The following CDHR2 variants were observed in gnomAD, a reference collection of about 807,000 sequenced individuals.
CDHR2 encodes the protein cadherin related family member 2.
In CDHR2, 104 loss-of-function variants were observed where a neutral mutation model predicts 138.6. The observed-to-expected ratio is 0.75, with a 90% CI of 0.64 to 0.88. The LOEUF is 0.88. Among genes scored for constraint, CDHR2 ranks in the 40% least tolerant of loss-of-function variants. The pLI is 0.00. For synonymous variants in CDHR2, 755 were observed against 742.8 expected (o/e 1.02, Z -0.27); for missense variants, 1,624 against 1,727.6 (o/e 0.94, Z 1.06).
intron 1 of CDHR2, among the ~76,000 whole-genome samples, chr5:176,552,350 T>C (rs554016637): frequency 6.6e-6 from 1 of 152,124 alleles, no homozygotes; most frequent in Non-Finnish European, 1.5e-5. Context: ...GCAGAGGGAA[T>C]GGTTTAGGCA....
Position 176,578,580 on chromosome 5 carries a change from A to T in CDHR2, c.1790A>T (p.Glu597Val). 1 of 1,613,106 alleles carries T rather than the reference A, an allele frequency of 6.2e-7. No individual in the cohort carries two copies. Among genetic ancestry groups the T allele is most frequent in the Non-Finnish European group, 8.5e-7 (1 of 1,180,014 alleles). ...TCCTACAACATCTTCGTCCAGGAGG[A>T]GGAGGGCAATGTCTCCGTGACCATC... Reference protein sequence around the residue: ...SGSYNIFVQEEEGNVSVTIQA... With the variant: ...SGSYNIFVQEVEGNVSVTIQA... The change falls in exon 16 of 32, where the codon GAG (glutamate) becomes GTG (valine). Residue 597 changes from glutamate to valine, a missense_variant. By Grantham distance (121) the Glu-to-Val change is moderately radical (BLOSUM62 -2). This residue lies in a region of CDHR2 where 1,061 missense variants were observed against 1,136.6 expected (regional missense o/e 0.93). Transcript: ENST00000261944.
At chr5:176,586,046 C>T (rs772401346) in intron 20 of CDHR2, 21 bp downstream of exon 20, 2 of 1,600,158 alleles carry the variant, frequency 1.2e-6, no homozygotes, top group South Asian at 1.1e-5. Flanking sequence ...ACCCCATTCA[C>T]ACACCATACC....
In CDHR2 at chr5:176,565,719, A is replaced by G; in HGVS notation, c.100A>G (p.Ile34Val). 1.2e-6 allele frequency: 2 copies of G among 1,613,816 alleles called. No individual in the cohort carries two copies. Among genetic ancestry groups the G allele is most frequent in the Non-Finnish European group, 1.7e-6 (2 of 1,179,896 alleles). The change falls in exon 3 of 32, where the codon ATC becomes GTC. Residue 34 changes from isoleucine (I) to valine (V), a missense_variant. Ile to Val is a conservative substitution (Grantham distance 29). This residue lies in a region of CDHR2 where 1,061 missense variants were observed against 1,136.6 expected (regional missense o/e 0.93). Coordinates refer to ENST00000261944, the MANE Select transcript of CDHR2 (RefSeq NM_017675.6). Reference sequence around the variant, plus strand: ...GTTCCTAGCCAACATGACGTCAGTGATCCTGCCTGAGGACCTGCCTGTGGG... The same window carrying G: ...GTTCCTAGCCAACATGACGTCAGTGGTCCTGCCTGAGGACCTGCCTGTGGG... ...PKFLANMTSVILPEDLPVGAQ... is the reference protein window; with the variant it reads ...PKFLANMTSVVLPEDLPVGAQ...
Position 176,558,571 on chromosome 5 carries a change from G to A in CDHR2, c.-15-6767G>A, listed in dbSNP as rs187071848. The stretch of plus-strand genomic sequence containing the variant: ...GCTAATTTTTTCTGTTTTTAGTAGA[G>A]ACGGGGTTTCTCCATGTTGGTCAGG... On this transcript the variant is annotated intron_variant, in intron 1 of 31. Transcript: ENST00000261944. Among the ~76,000 whole-genome samples, 202 of 152,252 alleles carry A rather than the reference G, an allele frequency of 1.3e-3. No individual in the cohort carries two copies. The East Asian group carries it at 0.023, about 17-fold the overall frequency.
chr5:176,576,042 C>T lies in CDHR2; in HGVS notation c.1051C>T (p.Pro351Ser). 6.2e-7 allele frequency: 1 copy of T among 1,614,094 alleles called. No homozygotes were observed. The highest frequency in any genetic ancestry group is 8.5e-7 in the Non-Finnish European group (1 of 1,180,032). The change falls in exon 12 of 32, where the codon CCT (proline) becomes TCT (serine). Residue 351 changes from proline to serine, a missense_variant. Transcript: ENST00000261944. This position sits in a 1 kb window ranked among gnomAD's most constrained non-coding sequence, Gnocchi z 4.5. ...AGTGATGGACGTCAATGACCACAAA[C>T]CTGAGTTTTACAACTGCAGCCTCCC... is the stretch of plus-strand genomic sequence containing the variant. ...VRVMDVNDHK[P>S]EFYNCSLPAC...
chr5:176,580,666 G>T (rs182915367), intron 16 of CDHR2, among the ~76,000 whole-genome samples: 234 of 151,992 alleles, frequency 1.5e-3, no homozygotes, highest in African/African-American at 5.3e-3. Flanking sequence ...CCTGAGGTTA[G>T]GAGTTCAAGA....
Position 176,592,766 on chromosome 5 carries a change from AG to A in CDHR2, c.3779del (p.Ser1260IlefsTer21). On this transcript the variant is annotated frameshift_variant, in exon 31 of 32. Coordinates refer to ENST00000261944, the MANE Select transcript of CDHR2 (RefSeq NM_017675.6). LOFTEE classifies it low-confidence loss of function (END_TRUNC). Reference sequence around the variant, plus strand: ...CAACTCTGTGGATGTGGACAAGAACAGTCAGGAAATCAAGGCAAGATGGGGG... The same window carrying A: ...CAACTCTGTGGATGTGGACAAGAACATCAGGAAATCAAGGCAAGATGGGGG... ...DDNSVDVDKN[S>X]QEIKEHRPPH... 6.2e-7 allele frequency: 1 copy of A among 1,613,848 alleles called. No homozygotes were observed. The highest frequency in any genetic ancestry group is 2.2e-5 in the East Asian group (1 of 44,882).
At chr5:176,552,607 C>T (rs1757731112) in intron 1 of CDHR2, among the ~76,000 whole-genome samples, 1 of 152,054 alleles carries the variant, frequency 6.6e-6, no homozygotes, top group Non-Finnish European at 1.5e-5. Flanking sequence ...ATTGCGCCTT[C>T]GCCAGCCCAC....
intron 6 of CDHR2, among the ~76,000 whole-genome samples, chr5:176,572,760 C>T (rs759911578): frequency 1.3e-5 from 2 of 152,206 alleles, no homozygotes; most frequent in Non-Finnish European, 2.9e-5. Context: ...AGGCCAGACA[C>T]GTGTGGTCTG....
chr5:176,552,131 G>C (rs1757720425), intron 1 of CDHR2, among the ~76,000 whole-genome samples: 1 of 152,190 alleles, frequency 6.6e-6, no homozygotes, highest in Non-Finnish European at 1.5e-5. Flanking sequence ...AGGGAAAAGC[G>C]GGTGCCTGTC....
intron 7 of CDHR2, among the ~76,000 whole-genome samples, chr5:176,574,478 G>C (rs1184643211): frequency 6.6e-6 from 1 of 152,198 alleles, no homozygotes; most frequent in Non-Finnish European, 1.5e-5. Context: ...ACTTGCTGTT[G>C]ATAGCGCCAT....
intron 6 of CDHR2, 67 bp downstream of exon 6, chr5:176,571,369 G>A: frequency 8.5e-7 from 1 of 1,173,380 alleles, no homozygotes. Context: ...AGTAGGAAGA[G>A]CCAGAGACAG....
chr5:176,589,932 C>A, intron 24 of CDHR2, 146 bp from the exon 25 acceptor site: 1 of 728,272 alleles, frequency 1.4e-6, no homozygotes, highest in Non-Finnish European at 2.4e-6. Context: ...TTGTAATTTT[C>A]ACAGAGATGC....
At chr5:176,545,465 A>C (rs1757565296), upstream of CDHR2, among the ~76,000 whole-genome samples, 1 of 152,224 alleles carries the variant, frequency 6.6e-6, no homozygotes, top group African/African-American at 2.4e-5. Flanking sequence ...GATTAAAAAA[A>C]ATTTTAAGGC....
At position 176,571,242 on chromosome 5, in the gene CDHR2, A is replaced by C; in HGVS notation, c.345A>C (p.Glu115Asp). The change falls in exon 6 of 32, where the codon GAA becomes GAC. Residue 115 changes from glutamate (E) to aspartate (D), a missense_variant. Physicochemically the swap from Glu to Asp is conservative, Grantham distance 45. Around this residue, in one of 3 missense-constraint regions of CDHR2, gnomAD observed 1,061 missense variants for 1,136.6 expected, o/e 0.93. Transcript: ENST00000261944. ...AGAGGGAGATGCTGGTGATTGTGGA[A>C]GATAGAAACGACAACGCACCCGTTT... ...QVQREMLVIV[E>D]DRNDNAPVFQ... 6.2e-7 allele frequency: 1 copy of C among 1,612,958 alleles called. No homozygotes were observed. The highest frequency in any genetic ancestry group is 8.5e-7 in the Non-Finnish European group (1 of 1,179,548).
At chr5:176,565,644 G>C in intron 2 of CDHR2, 28 bp from the exon 3 acceptor site, 1 of 1,605,538 alleles carries the variant, frequency 6.2e-7, no homozygotes, top group Non-Finnish European at 8.5e-7. Flanking sequence ...GGGGTGTCCC[G>C]ATGTTCCAGC....
At position 176,584,597 on chromosome 5, in the gene CDHR2, C is replaced by A. The variant is rs765059198; in HGVS notation, c.2316C>A (p.Pro772=). 1.9e-6 allele frequency: 3 copies of A among 1,606,104 alleles called. No individual in the cohort carries two copies. In the Admixed American group the frequency reaches 5.0e-5, roughly 27 times the overall value. Residue 772 remains proline (P), a synonymous_variant, in exon 19 of 32, where the codon CCC becomes CCA. Coordinates refer to ENST00000261944, the MANE Select transcript of CDHR2 (RefSeq NM_017675.6). The part of the protein sequence containing the change: ...PDVSLDYETQ[P]VFNLTVSAEN... ...TGAGCCTGGATTACGAGACACAGCC[C>A]GTCTTCAACTTGACAGTGAGTGCTG...
intron 31 of CDHR2, among the ~76,000 whole-genome samples, chr5:176,594,853 G>T (rs1279269323): frequency 4.6e-5 from 7 of 152,174 alleles, no homozygotes; most frequent in Non-Finnish European, 8.8e-5. Context: ...GTGTGTGTGT[G>T]TGCACGCACA....
rs144535476 is a variant in CDHR2, at chr5:176,576,087, G to A, written c.1096G>A (p.Glu366Lys). The change falls in exon 12 of 32, where the codon GAA becomes AAA. Residue 366 changes from glutamate to lysine, a missense_variant. This residue lies in a region of CDHR2 where 1,061 missense variants were observed against 1,136.6 expected (regional missense o/e 0.93). Transcript: ENST00000261944. The surrounding 1 kb of genome is among the most constrained non-coding windows in gnomAD (Gnocchi z 4.5). ...CCTCCCAGCCTGCACCTTCACCCCCGAAGAGGCCCAAGTGAACTTCACTGG... is the reference window on the plus strand; with the variant it reads ...CCTCCCAGCCTGCACCTTCACCCCCAAAGAGGCCCAAGTGAACTTCACTGG... ...CSLPACTFTP[E>K]EAQVNFTGYV... 1.3e-4 allele frequency: 211 copies of A among 1,614,116 alleles called. 2 individuals are homozygous for A. In the African/African-American group the frequency reaches 2.0e-3, roughly 15 times the overall value.
Sources: allele counts gnomAD v4.1 joint callset (sites outside exome capture counted in the v4.1 genomes callset), GRCh38; gene constraint gnomAD v4.1.1; regional missense constraint gnomAD v4.1.1; non-coding constraint Gnocchi (gnomAD v3.1); transcripts MANE v1.5; gene names NCBI Gene and HGNC (gene_info 2026-07-23, HGNC 2026-07-21).